The following KLF13 variants were observed in gnomAD, a reference collection of about 807,000 sequenced individuals.
KLF13 encodes the protein Krueppel-like factor 13.
A neutral mutation model predicts 16.7 loss-of-function variants in KLF13; 8 were observed. The ratio of observed to expected loss-of-function variants is 0.48; its 90% confidence interval spans 0.28 to 0.87. KLF13 has a LOEUF of 0.87. Among genes scored for constraint, KLF13 ranks in the 40% least tolerant of loss-of-function variants. KLF13 has a pLI of 0.10. For synonymous variants in KLF13, 245 were observed against 208.4 expected, an observed-to-expected ratio of 1.18 and a Z score of -1.51; for missense variants, 447 against 452.2, an observed-to-expected ratio of 0.99 and a Z score of 0.10.
chr15:31,327,768 G>A lies in KLF13; in HGVS notation c.556G>A (p.Ala186Thr). 1 of 1,530,200 alleles carries A rather than the reference G, an allele frequency of 6.5e-7. No individual in the cohort carries two copies. The allele number at this position is 1,530,200 out of a possible 1,614,324, so 94.8% of individuals were successfully genotyped here. Reference sequence around the variant, plus strand: ...TTACGGGAAATCTTCGCACCTCAAGGCGCACCTGAGAACTCACACAGGTCA... The same window carrying A: ...TTACGGGAAATCTTCGCACCTCAAGACGCACCTGAGAACTCACACAGGTCA... The part of the protein sequence containing the change: ...KVYGKSSHLK[A>T]HLRTHTGERP... Residue 186 changes from alanine (A) to threonine (T), a missense_variant, in exon 1 of 2, where the codon GCG becomes ACG. Coordinates refer to ENST00000307145, the MANE Select transcript of KLF13 (RefSeq NM_015995.4).
chr15:31,411,739 A>G (rs2040196608), intron 1 of KLF13, among the ~76,000 whole-genome samples: 1 of 152,112 alleles, frequency 6.6e-6, no homozygotes, highest in Non-Finnish European at 1.5e-5. Context: ...AAACCATATG[A>G]TTATAGAAGT....
chr15:31,383,503 C>T (rs977661169), intron 1 of KLF13, among the ~76,000 whole-genome samples: 1 of 152,228 alleles, frequency 6.6e-6, no homozygotes, highest in African/African-American at 2.4e-5. Flanking sequence ...TGATGACAGC[C>T]TAGTGCTGAG....
chr15:31,362,533 G>T (rs570476389), intron 1 of KLF13, among the ~76,000 whole-genome samples: 2 of 152,340 alleles, frequency 1.3e-5, no homozygotes, highest in South Asian at 2.1e-4. Context: ...CCAGTAATGT[G>T]CCCAGAGTGT....
At chr15:31,356,680 A>G (rs1018998884) in intron 1 of KLF13, among the ~76,000 whole-genome samples, 1 of 152,192 alleles carries the variant, frequency 6.6e-6, no homozygotes, top group Non-Finnish European at 1.5e-5. Context: ...AGGTTGATTC[A>G]CGTTTCTCTG....
At chr15:31,408,791 C>G (rs546076435), downstream of KLF13, among the ~76,000 whole-genome samples, 24 of 152,096 alleles carry the variant, frequency 1.6e-4, no homozygotes, top group African/African-American at 5.5e-4. Context: ...CGGTAACATA[C>G]AAGATCAGGT....
intron 1 of KLF13, among the ~76,000 whole-genome samples, chr15:31,338,047 T>C (rs1290221537): frequency 6.6e-6 from 1 of 152,198 alleles, no homozygotes; most frequent in African/African-American, 2.4e-5. Context: ...TTTAGAGTCT[T>C]ACAGGAAATA....
At chr15:31,333,537 C>T (rs1331242018) in intron 1 of KLF13, among the ~76,000 whole-genome samples, 1 of 152,194 alleles carries the variant, frequency 6.6e-6, no homozygotes, top group African/African-American at 2.4e-5. Context: ...TATTTTGCCA[C>T]ATTTTTCTCC....
At position 31,375,127 on chromosome 15, in the gene KLF13, C is replaced by T. The variant is rs1479749595; in HGVS notation, c.*2828C>T. On this transcript the variant is annotated 3_prime_UTR_variant, in exon 2 of 2. Transcript: ENST00000307145. Reference sequence around the variant, plus strand: ...CAGGAGAGAAATCCTCCTGGGTACTCCTGGCCAGACCCTCCTGAATCATCT... The same window carrying T: ...CAGGAGAGAAATCCTCCTGGGTACTTCTGGCCAGACCCTCCTGAATCATCT... 2 of 152,494 alleles carry T rather than the reference C, an allele frequency of 1.3e-5. No homozygotes were observed. Among genetic ancestry groups the T allele is most frequent in the African/African-American group, 2.4e-5 (1 of 41,406 alleles). 9.4% of individuals were successfully genotyped at this position (152,494 alleles called of 1,614,324 possible). A position where few individuals can be genotyped will look rare whatever the true frequency, so the allele number is the denominator to read the frequency against.
In KLF13 at chr15:31,327,629, C is replaced by T. The variant is rs753772017; in HGVS notation, c.417C>T (p.Pro139=). The T allele has an allele frequency of 2.2e-6, 3 of 1,367,824 alleles. No individual in the cohort carries two copies. Among genetic ancestry groups the T allele is most frequent in the East Asian group, 3.2e-5 (1 of 30,838 alleles). The allele number at this position is 1,367,824 out of a possible 1,614,324, so 84.7% of individuals were successfully genotyped here. A position where few individuals can be genotyped will look rare whatever the true frequency, so the allele number is the denominator to read the frequency against. Residue 139 remains proline (P), a synonymous_variant, in exon 1 of 2, where the codon CCC becomes CCT. Transcript: ENST00000307145. ...AGLEPEREPG[P]AGSGEPGLRQ... ...TGGAGCCCGAGCGGGAGCCGGGGCC[C>T]GCGGGGAGCGGCGAGCCCGGCCTCA...
At chr15:31,423,132 C>CGTATATATAAGTAT (rs1470955940) in intron 1 of KLF13, among the ~76,000 whole-genome samples, 2 of 50,828 alleles carry the variant, frequency 3.9e-5, no homozygotes, top group African/African-American at 2.0e-4. Flanking sequence ...CGTATATATA[C>CGTATATATAAGTAT]GTATACGTAT....
At chr15:31,421,710 A>G (rs1206126330) in intron 1 of KLF13, among the ~76,000 whole-genome samples, 1 of 152,236 alleles carries the variant, frequency 6.6e-6, no homozygotes, top group African/African-American at 2.4e-5. Flanking sequence ...AATGAAAGGC[A>G]GCAAGAAAGG....
intron 1 of KLF13, among the ~76,000 whole-genome samples, chr15:31,328,844 C>T (rs533515114): frequency 6.6e-6 from 1 of 152,292 alleles, no homozygotes; most frequent in South Asian, 2.1e-4. Context: ...TCTGAGCTCA[C>T]GTGAGTTCTT....
chr15:31,422,599 G>A (rs2040342166), intron 1 of KLF13, among the ~76,000 whole-genome samples: 2 of 152,122 alleles, frequency 1.3e-5, no homozygotes, highest in South Asian at 4.1e-4. Context: ...AACCATATCA[G>A]GCTGCAAGTG....
intron 1 of KLF13, among the ~76,000 whole-genome samples, chr15:31,335,801 G>GGTGACC (rs1208371568): frequency 1.3e-5 from 2 of 152,156 alleles, no homozygotes; most frequent in Non-Finnish European, 2.9e-5. Flanking sequence ...TGCATGGATG[G>GGTGACC]GTGACCCTGG....
intron 1 of KLF13, among the ~76,000 whole-genome samples, chr15:31,412,731 T>C (rs2040209886): frequency 6.6e-6 from 1 of 152,168 alleles, no homozygotes; most frequent in African/African-American, 2.4e-5. Context: ...ACGAAGGCCA[T>C]AAAACAGATA....
intron 2 of KLF13, among the ~76,000 whole-genome samples, chr15:31,397,470 C>T (rs559562807): frequency 2.0e-5 from 3 of 152,240 alleles, no homozygotes; most frequent in Non-Finnish European, 4.4e-5. Context: ...GAGGTCCAGA[C>T]GCCTCGGAGT....
At chr15:31,411,379 A>C (rs2040190946) in intron 1 of KLF13, among the ~76,000 whole-genome samples, 1 of 151,058 alleles carries the variant, frequency 6.6e-6, no homozygotes, top group Non-Finnish European at 1.5e-5. Context: ...GTAACTTACC[A>C]TACCAACACA....
At chr15:31,413,185 G>GACAAAAAAAAAAAAAAAAAAAAA (rs2040214603) in intron 1 of KLF13, among the ~76,000 whole-genome samples, 1 of 32,956 alleles carries the variant, frequency 3.0e-5, no homozygotes, top group Non-Finnish European at 6.5e-5. Context: ...AAAATGAATA[G>GACAAAAAAAAAAAAAAAAAAAAA]ACAAAAAAAA....
At position 31,374,477 on chromosome 15, in the gene KLF13, T is replaced by C. The variant is rs2039611075; in HGVS notation, c.*2178T>C. On this transcript the variant is annotated 3_prime_UTR_variant, in exon 2 of 2. Transcript: ENST00000307145. ...GACAGAAGAGAGCCCTGGGTGCTTG[T>C]GGTGCAAAGATCTTCATGCCCAGTT... 6.6e-6 allele frequency: 1 copy of C among 152,612 alleles called. No homozygotes were observed. The highest frequency in any genetic ancestry group is 1.5e-5 in the Non-Finnish European group (1 of 68,040). 9.5% of individuals were successfully genotyped at this position (152,612 alleles called of 1,614,324 possible).
Sources: gnomAD v4.1 joint callset for allele counts (sites outside exome capture counted in the v4.1 genomes callset) on GRCh38, gnomAD v4.1.1 for gene constraint, MANE v1.5 for transcripts, NCBI Gene and HGNC (gene_info 2026-07-23, HGNC 2026-07-21) for gene names.